Variants in DCLK1 observed in about 807,000 individuals in gnomAD.
DCLK1 encodes the protein doublecortin like kinase 1.
A neutral mutation model predicts 86.2 loss-of-function variants in DCLK1; 16 were observed. The ratio of observed to expected loss-of-function variants is 0.19; its 90% CI spans 0.13 to 0.28. The LOEUF is 0.28. DCLK1 is among the 10% of genes least tolerant of loss of function. The pLI is 1.00. For synonymous variants in DCLK1, 369 were observed against 370.5 expected (o/e 1.00, Z 0.05); for missense variants, 590 against 940.2 (o/e 0.63, Z 4.87).
At chr13:35,802,610 C>T (rs753080862) in intron 15 of DCLK1, among the ~76,000 whole-genome samples, 7 of 152,010 alleles carry the variant, frequency 4.6e-5, no homozygotes, top group African/African-American at 1.5e-4. Flanking sequence ...AGCTACACAA[C>T]GCATTACGTC....
intron 5 of DCLK1, chr13:35,855,684 G>T (rs147772748): frequency 1.1e-4 from 153 of 1,392,616 alleles, no homozygotes; most frequent in Non-Finnish European, 1.4e-4. Context: ...TTCATCAGCA[G>T]ATGCCTTTTC....
chr13:35,783,654 C>T (rs1177056052), intron 16 of DCLK1, among the ~76,000 whole-genome samples: 12 of 151,424 alleles, frequency 7.9e-5, no homozygotes, highest in Non-Finnish European at 1.6e-4. Flanking sequence ...GGTGTGATCT[C>T]GGCTCATTGC....
chr13:35,885,412 G>A (rs965953113), intron 4 of DCLK1, among the ~76,000 whole-genome samples: 4 of 152,126 alleles, frequency 2.6e-5, no homozygotes, highest in African/African-American at 7.2e-5. Flanking sequence ...CTGTAAGGCC[G>A]GGAACAAAAC....
chr13:36,037,216 T>G (rs1362439703), intron 3 of DCLK1, among the ~76,000 whole-genome samples: 1 of 152,058 alleles, frequency 6.6e-6, no homozygotes. Flanking sequence ...AGATAGAGAA[T>G]AGAACTGTGG....
intron 4 of DCLK1, among the ~76,000 whole-genome samples, chr13:35,925,598 C>G (rs1876068897): frequency 6.6e-6 from 1 of 152,080 alleles, no homozygotes; most frequent in Admixed American, 6.6e-5. Flanking sequence ...AAGTCTTATT[C>G]CATTTTAATG....
Position 35,960,186 on chromosome 13 carries a change from C to T in DCLK1, c.724-12729G>A, listed in dbSNP as rs1039115312. Among the ~76,000 whole-genome samples, 14 of 152,156 alleles carry T rather than the reference C, an allele frequency of 9.2e-5. 1 individual carries two copies. Among genetic ancestry groups the T allele is most frequent in the Admixed American group, 7.9e-4 (12 of 15,278 alleles). ...AGCTCCTTCTACTTCCCTTTCTCCC[C>T]CCTTAATCCATCCTCTGGCTGCAAG... On this transcript the variant is annotated intron_variant, in intron 3 of 16. Coordinates refer to ENST00000360631, the MANE Select transcript of DCLK1 (RefSeq NM_001330071.2).
intron 3 of DCLK1, among the ~76,000 whole-genome samples, chr13:36,108,078 A>T (rs922386904): frequency 6.4e-5 from 7 of 110,068 alleles, no homozygotes; most frequent in African/African-American, 3.9e-4. Flanking sequence ...CCAGATTTAA[A>T]AAAAAAAAAA....
At chr13:35,894,918 T>A (rs903131126) in intron 4 of DCLK1, among the ~76,000 whole-genome samples, 4 of 152,186 alleles carry the variant, frequency 2.6e-5, no homozygotes, top group Non-Finnish European at 5.9e-5. Context: ...ATTACAAAGA[T>A]AATCATATTC....
chr13:36,071,487 A>G (rs73180282), intron 3 of DCLK1, among the ~76,000 whole-genome samples: 25,348 of 152,178 alleles, frequency 0.17, 2,339 homozygotes, highest in Non-Finnish European at 0.21. Context: ...GTAGAAACTC[A>G]AGTATGGCTA....
chr13:35,897,403 AC>A (rs1874069995), intron 4 of DCLK1, among the ~76,000 whole-genome samples: 1 of 152,124 alleles, frequency 6.6e-6, no homozygotes. Flanking sequence ...GAAGGCGGGA[AC>A]CAGGTGTGAG....
At chr13:36,034,170 G>T (rs2153153838) in intron 3 of DCLK1, among the ~76,000 whole-genome samples, 1 of 152,080 alleles carries the variant, frequency 6.6e-6, no homozygotes, top group African/African-American at 2.4e-5. Flanking sequence ...AAACAAATTA[G>T]TCTCCAGTCT....
intron 3 of DCLK1, among the ~76,000 whole-genome samples, chr13:36,099,649 C>A (rs73165311): frequency 1.3e-5 from 2 of 152,152 alleles, no homozygotes; most frequent in Admixed American, 6.5e-5. Flanking sequence ...AGGACTTGCA[C>A]ATTTTAAACA....
At chr13:35,857,753 C>T (rs544217080) in intron 5 of DCLK1, among the ~76,000 whole-genome samples, 2 of 152,320 alleles carry the variant, frequency 1.3e-5, no homozygotes, top group African/African-American at 2.4e-5. Flanking sequence ...GCAGTGGATA[C>T]AGAAGTTAGC....
intron 2 of DCLK1, 64 bp downstream of exon 2, chr13:36,125,698 A>G (rs935736384): frequency 6.4e-7 from 1 of 1,554,014 alleles, no homozygotes; most frequent in African/African-American, 1.4e-5. Flanking sequence ...CGAATCGGCT[A>G]CAACACTGGA....
At chr13:35,912,413 C>A (rs1182831788) in intron 4 of DCLK1, among the ~76,000 whole-genome samples, 1 of 152,148 alleles carries the variant, frequency 6.6e-6, no homozygotes, top group Non-Finnish European at 1.5e-5. Flanking sequence ...GCCCACCCCA[C>A]CCCCAGTCCT....
intron 3 of DCLK1, among the ~76,000 whole-genome samples, chr13:36,098,986 T>TGA (rs1885106376): frequency 2.9e-4 from 43 of 148,984 alleles, no homozygotes; most frequent in Admixed American, 6.1e-4. Flanking sequence ...TTTTTTTTTT[T>TGA]GAGAGAGTTT....
chr13:35,921,365 C>A (rs996587331), intron 4 of DCLK1, among the ~76,000 whole-genome samples: 1 of 152,070 alleles, frequency 6.6e-6, no homozygotes, highest in Non-Finnish European at 1.5e-5. Flanking sequence ...CCACAACACC[C>A]CACTCTCACC....
At chr13:35,894,904 C>A (rs762697935) in intron 4 of DCLK1, among the ~76,000 whole-genome samples, 1 of 152,178 alleles carries the variant, frequency 6.6e-6, no homozygotes, top group Non-Finnish European at 1.5e-5. Context: ...CAAACTGGGG[C>A]ATGATTACAA....
intron 16 of DCLK1, 135 bp from the exon 17 acceptor site, chr13:35,774,834 T>A: frequency 1.0e-6 from 1 of 1,000,390 alleles, no homozygotes; most frequent in Non-Finnish European, 1.4e-6. Context: ...CACTTTTTGT[T>A]GACAGTCACC....
Sources: gnomAD v4.1 joint callset for allele counts (sites outside exome capture counted in the v4.1 genomes callset) on GRCh38, gnomAD v4.1.1 for gene constraint, MANE v1.5 for transcripts, NCBI Gene and HGNC (gene_info 2026-07-23, HGNC 2026-07-21) for gene names.